The following FAM20C variants were observed in gnomAD, a reference collection of about 807,000 sequenced individuals.
FAM20C encodes the protein extracellular serine/threonine protein kinase FAM20C.
In FAM20C, 40 loss-of-function variants were observed where a neutral mutation model predicts 51.5. The ratio of observed to expected loss-of-function variants is 0.78; its 90% CI spans 0.60 to 1.01. The LOEUF (loss-of-function observed/expected upper bound fraction) is 1.01. FAM20C is among the 50% of genes least tolerant of loss of function. The pLI, the probability that FAM20C is intolerant of heterozygous loss-of-function variation, is 0.00. For synonymous variants in FAM20C, 406 were observed against 380.6 expected (o/e 1.07, Z -0.78); for missense variants, 861 against 844.7 (o/e 1.02, Z -0.24).
intron 2 of FAM20C, among the ~76,000 whole-genome samples, chr7:204,826 C>A (rs1786275971): frequency 6.6e-6 from 1 of 152,192 alleles, no homozygotes; most frequent in Non-Finnish European, 1.5e-5. Context: ...TGTCCCCACA[C>A]TGCCGCTGTT....
chr7:257,208 G>T (rs1053272480), intron 8 of FAM20C, 122 bp downstream of exon 8: 1 of 997,242 alleles, frequency 1.0e-6, no homozygotes, highest in East Asian at 2.6e-5. Flanking sequence ...TGGGAATGTC[G>T]CAAAGGCCCA....
intron 3 of FAM20C, among the ~76,000 whole-genome samples, chr7:235,703 C>T (rs1185118109): frequency 1.3e-5 from 2 of 152,190 alleles, no homozygotes; most frequent in Non-Finnish European, 2.9e-5. Context: ...GCTCAGCTTG[C>T]TGCTGGGAGG....
intron 5 of FAM20C, among the ~76,000 whole-genome samples, chr7:255,195 C>T (rs568851461): frequency 2.6e-5 from 4 of 152,284 alleles, no homozygotes; most frequent in Non-Finnish European, 5.9e-5. Flanking sequence ...GTGCCGTGTG[C>T]ACCCCCCGCC....
At chr7:200,173 G>A (rs1786064504) in intron 2 of FAM20C, among the ~76,000 whole-genome samples, 1 of 152,238 alleles carries the variant, frequency 6.6e-6, no homozygotes, top group African/African-American at 2.4e-5. Context: ...CTTGGGAGCA[G>A]GGCTCCTTGG....
intron 2 of FAM20C, among the ~76,000 whole-genome samples, chr7:198,795 G>A (rs1331744487): frequency 1.3e-5 from 2 of 152,196 alleles, no homozygotes; most frequent in Non-Finnish European, 2.9e-5. Context: ...CTCCTACTGG[G>A]TGGGGTCTTT....
At chr7:242,044 C>T (rs990041624) in intron 3 of FAM20C, among the ~76,000 whole-genome samples, 34,019 of 152,216 alleles carry the variant, frequency 0.22, 4,061 homozygotes, top group East Asian at 0.31. Context: ...CCAGCCCCTC[C>T]CTGGGCCTCA....
chr7:215,229 GGGGGGGGGA>G (rs1786904109), intron 3 of FAM20C, among the ~76,000 whole-genome samples: 9 of 19,598 alleles, frequency 4.6e-4, no homozygotes, highest in South Asian at 2.8e-3. Context: ...GGCTCCAGCT[GGGGGGGGGA>G]GCAGGGCCCC....
At chr7:248,561 C>T (rs1011302830) in intron 5 of FAM20C, 131 bp downstream of exon 5, 2 of 597,520 alleles carry the variant, frequency 3.3e-6, no homozygotes, top group Non-Finnish European at 5.9e-6. Context: ...CGGGGGCCCA[C>T]ATTCACCTCT....
chr7:214,771 T>C (rs964650497), intron 3 of FAM20C, among the ~76,000 whole-genome samples: 1 of 152,170 alleles, frequency 6.6e-6, no homozygotes, highest in East Asian at 1.9e-4. Context: ...TGAGCATGGG[T>C]TTGAGTCCGG....
rs141968250 is a variant in FAM20C, at chr7:231,493, G to A, written c.864-14922G>A. 9.9e-3 allele frequency among the ~76,000 whole-genome samples: 1,505 copies of A among 151,398 alleles called. 23 individuals are homozygous for A. Among genetic ancestry groups the A allele is most frequent in the Admixed American group, 0.013 (200 of 15,196 alleles). On this transcript the variant is annotated intron_variant, in intron 3 of 9. Transcript: ENST00000313766. ...GAGGACTCTGTGGGAGGAGGGTCCC[G>A]GCGTCGAGGGCCCCGTGGGAGGAGG...
Position 258,338 on chromosome 7 carries a change from GGGCAGGGTGGA to G in FAM20C, c.1446-307_1446-297del, listed in dbSNP as rs1562401906. On this transcript the variant is annotated intron_variant, in intron 8 of 9. Transcript: ENST00000313766. ...ACCCACTGCCCGGGGTGCTGGAGAT[GGGCAGGGTGGA>G]CCCACTGCCTGAGGTGCTGGAGATG... Among the ~76,000 whole-genome samples the G allele has an allele frequency of 8.8e-5, 7 of 79,842 alleles. 2 individuals carry two copies. The highest frequency in any genetic ancestry group is 2.2e-4 in the Admixed American group (2 of 9,302). 52.4% of individuals were successfully genotyped at this position (79,842 alleles called of 152,430 possible). A position where few individuals can be genotyped will look rare whatever the true frequency, so the allele number is the denominator to read the frequency against.
At chr7:228,826 A>G (rs1562384103) in intron 3 of FAM20C, 2 of 456,040 alleles carry the variant, frequency 4.4e-6, no homozygotes, top group Non-Finnish European at 8.8e-6. Flanking sequence ...CAGCCTCCTC[A>G]ACGTGTTTGT....
intron 3 of FAM20C, among the ~76,000 whole-genome samples, chr7:233,157 C>T (rs964182025): frequency 3.4e-4 from 52 of 152,342 alleles, no homozygotes; most frequent in Admixed American, 5.2e-4. Context: ...TGGGGGCAGC[C>T]GCGAGAGCCA....
intron 3 of FAM20C, among the ~76,000 whole-genome samples, chr7:222,484 A>AC (rs1312335678): frequency 6.6e-6 from 1 of 151,734 alleles, no homozygotes; most frequent in African/African-American, 2.4e-5. Flanking sequence ...AACGGCCTGA[A>AC]CCCCCCAGGC....
At chr7:199,104 T>C (rs1250801676) in intron 2 of FAM20C, among the ~76,000 whole-genome samples, 1 of 152,222 alleles carries the variant, frequency 6.6e-6, no homozygotes, top group Non-Finnish European at 1.5e-5. Context: ...CAGGAGGATG[T>C]GATCTGTCCT....
chr7:227,684 G>A (rs1056235174), intron 3 of FAM20C: 7 of 152,226 alleles, frequency 4.6e-5, no homozygotes, highest in Admixed American at 6.5e-5. Context: ...CAGTCTAGTC[G>A]TACTTCCCTG....
chr7:247,681 G>A (rs920406731), intron 4 of FAM20C, among the ~76,000 whole-genome samples: 2 of 142,846 alleles, frequency 1.4e-5, no homozygotes, highest in Admixed American at 1.3e-4. Context: ...TTTATGAAAA[G>A]AAAGACGGGG....
At chr7:230,377 G>T (rs905932657) in intron 3 of FAM20C, among the ~76,000 whole-genome samples, 1 of 106,104 alleles carries the variant, frequency 9.4e-6, no homozygotes, top group Admixed American at 8.6e-5. Flanking sequence ...CGGGGTGGGG[G>T]GGGGGGGGAA....
intron 3 of FAM20C, among the ~76,000 whole-genome samples, chr7:210,934 A>G (rs955251079): frequency 1.3e-5 from 2 of 152,080 alleles, no homozygotes; most frequent in African/African-American, 4.8e-5. Flanking sequence ...TGGGGTTTAT[A>G]TACAGAAGCC....
Sources: allele counts gnomAD v4.1 joint callset (sites outside exome capture counted in the v4.1 genomes callset), GRCh38; gene constraint gnomAD v4.1.1; transcripts MANE v1.5; gene names NCBI Gene and HGNC (gene_info 2026-07-23, HGNC 2026-07-21).